Variants in STAG1 observed in about 807,000 individuals in gnomAD.
STAG1 encodes STAG1 cohesin complex component.
Under a neutral mutation model 170.9 loss-of-function variants are expected in STAG1, and 26 were observed. The observed-to-expected ratio is 0.15, with a 90% CI of 0.11 to 0.21. The LOEUF is 0.21. Ranked by LOEUF, STAG1 falls within the 10% of genes least tolerant of loss-of-function variation. STAG1 has a pLI of 1.00. For synonymous variants in STAG1, 514 were observed against 497.7 expected, an observed-to-expected ratio of 1.03 and a Z score of -0.44; for missense variants, 964 against 1,509.5, an observed-to-expected ratio of 0.64 and a Z score of 5.99.
At chr3:136,607,315 C>G (rs1478730922) in intron 3 of STAG1, among the ~76,000 whole-genome samples, 1 of 152,166 alleles carries the variant, frequency 6.6e-6, no homozygotes, top group African/African-American at 2.4e-5. Context: ...TTTGTCTATT[C>G]TCAACCATTT....
chr3:136,338,456 AAG>A lies in STAG1; in HGVS notation c.3673-8_3673-7del, dbSNP rs778970087. 10 of 1,611,756 alleles carry A rather than the reference AAG, an allele frequency of 6.2e-6. No homozygotes were observed. Among genetic ancestry groups the A allele is most frequent in the South Asian group, 4.4e-5 (4 of 90,810 alleles). ...CGCCGATTTCTTGATGGAGGCTGGA[AAG>A]AGAAATCGGTTTCTTAATTTTTTTC... On this transcript the variant is annotated splice_polypyrimidine_tract_variant and splice_region_variant and intron_variant, in intron 32 of 33. Coordinates refer to ENST00000383202, the MANE Select transcript of STAG1 (RefSeq NM_005862.3).
At chr3:136,397,012 C>T (rs186499917) in intron 22 of STAG1, among the ~76,000 whole-genome samples, 5 of 152,110 alleles carry the variant, frequency 3.3e-5, no homozygotes, top group African/African-American at 1.2e-4. Context: ...AATTGTTACT[C>T]AGAAAGGAAA....
intron 6 of STAG1, among the ~76,000 whole-genome samples, chr3:136,525,815 C>G (rs1934986977): frequency 1.3e-5 from 2 of 152,172 alleles, no homozygotes; most frequent in Non-Finnish European, 2.9e-5. Context: ...TCACTGGTTT[C>G]AAACAACATC....
At chr3:136,744,633 T>C (rs1934842410) in intron 1 of STAG1, among the ~76,000 whole-genome samples, 1 of 151,792 alleles carries the variant, frequency 6.6e-6, no homozygotes, top group African/African-American at 2.4e-5. Context: ...CAGTGTTAGC[T>C]GCTGTGAGTC....
intron 1 of STAG1, among the ~76,000 whole-genome samples, chr3:136,748,098 A>G (rs1935041061): frequency 6.6e-6 from 1 of 151,044 alleles, no homozygotes; most frequent in African/African-American, 2.4e-5. Flanking sequence ...TTTTTAAAAA[A>G]TAAAAATAAC....
chr3:136,662,317 A>G (rs1941609720), intron 1 of STAG1, among the ~76,000 whole-genome samples: 1 of 151,574 alleles, frequency 6.6e-6, no homozygotes, highest in African/African-American at 2.4e-5. Flanking sequence ...ATGCTCACCA[A>G]ATTTTTGTAT....
chr3:136,570,543 A>C (rs111232200), intron 4 of STAG1, among the ~76,000 whole-genome samples: 177 of 152,326 alleles, frequency 1.2e-3, no homozygotes, highest in African/African-American at 2.5e-3. Flanking sequence ...GTATTACAGA[A>C]CCAAGAGCAG....
chr3:136,740,070 A>G, intron 1 of STAG1, among the ~76,000 whole-genome samples: 1 of 152,234 alleles, frequency 6.6e-6, no homozygotes, highest in South Asian at 2.1e-4. Flanking sequence ...TATACAGTAC[A>G]TTATGTAAAA....
At chr3:136,508,589 G>A (rs781619065) in intron 7 of STAG1, among the ~76,000 whole-genome samples, 15 of 152,288 alleles carry the variant, frequency 9.8e-5, no homozygotes, top group East Asian at 3.9e-4. Context: ...TGGGGAGGCC[G>A]AGGTGGGAGG....
At chr3:136,520,737 A>C (rs1457375787) in intron 7 of STAG1, among the ~76,000 whole-genome samples, 1 of 152,156 alleles carries the variant, frequency 6.6e-6, no homozygotes, top group East Asian at 1.9e-4. Flanking sequence ...GAGTATGTTT[A>C]AGTTATTATA....
At chr3:136,462,037 C>A (rs2089289440) in intron 13 of STAG1, among the ~76,000 whole-genome samples, 2 of 151,734 alleles carry the variant, frequency 1.3e-5, no homozygotes, top group African/African-American at 4.8e-5. Flanking sequence ...ATCATAAAGA[C>A]AAAAAAATAA....
At chr3:136,548,915 T>C (rs1006678513) in intron 5 of STAG1, among the ~76,000 whole-genome samples, 4 of 152,080 alleles carry the variant, frequency 2.6e-5, no homozygotes, top group African/African-American at 9.7e-5. Flanking sequence ...GTATAGTACC[T>C]CTCCTCCCTC....
intron 1 of STAG1, among the ~76,000 whole-genome samples, chr3:136,643,242 A>G (rs1425034010): frequency 6.6e-6 from 1 of 152,104 alleles, no homozygotes; most frequent in Non-Finnish European, 1.5e-5. Context: ...TTACGAAGCA[A>G]CTCCTCTATG....
intron 4 of STAG1, among the ~76,000 whole-genome samples, chr3:136,598,818 A>G (rs1938546803): frequency 6.6e-6 from 1 of 152,212 alleles, no homozygotes; most frequent in African/African-American, 2.4e-5. Context: ...GTATTTCAAC[A>G]TTAACTGCAT....
chr3:136,528,081 G>A (rs774219710), intron 6 of STAG1, among the ~76,000 whole-genome samples: 5 of 152,180 alleles, frequency 3.3e-5, no homozygotes, highest in East Asian at 1.9e-4. Context: ...CTCAAACTCC[G>A]TGCTGGGAGA....
chr3:136,420,015 A>T (rs1297523105), intron 20 of STAG1, among the ~76,000 whole-genome samples: 1 of 151,906 alleles, frequency 6.6e-6, no homozygotes, highest in Non-Finnish European at 1.5e-5. Context: ...TGGGAGGCCG[A>T]GTGCCAGTGG....
At chr3:136,638,269 G>T (rs971546880) in intron 1 of STAG1, among the ~76,000 whole-genome samples, 3 of 151,962 alleles carry the variant, frequency 2.0e-5, no homozygotes, top group African/African-American at 7.2e-5. Context: ...AAGTAGCTGG[G>T]ATTACAATTA....
chr3:136,589,009 C>A (rs1452986086), intron 4 of STAG1, among the ~76,000 whole-genome samples: 2 of 152,134 alleles, frequency 1.3e-5, no homozygotes, highest in African/African-American at 4.8e-5. Context: ...GATCTACCCG[C>A]CTTCGTCTCC....
chr3:136,590,408 G>A (rs528197456), intron 4 of STAG1, among the ~76,000 whole-genome samples: 9 of 149,050 alleles, frequency 6.0e-5, no homozygotes, highest in African/African-American at 9.9e-5. Context: ...CAGGAGAATC[G>A]CATGAACCCA....
Sources: gnomAD v4.1 joint callset for allele counts (sites outside exome capture counted in the v4.1 genomes callset) on GRCh38, gnomAD v4.1.1 for gene constraint, MANE v1.5 for transcripts, NCBI Gene and HGNC (gene_info 2026-07-23, HGNC 2026-07-21) for gene names.